FTO: variants seen among roughly 807,000 people sequenced by gnomAD.
FTO encodes the protein alpha-ketoglutarate-dependent dioxygenase FTO.
A neutral mutation model predicts 63.9 loss-of-function variants in FTO; 47 were observed. The ratio of observed to expected loss-of-function variants is 0.74; its 90% CI spans 0.58 to 0.94. The LOEUF is 0.94. FTO is among the 40% of genes least tolerant of loss of function. The pLI is 0.00. For missense variants in FTO, 562 were observed against 618.1 expected (o/e 0.91, Z 0.96); for synonymous variants, 207 against 224.4 (o/e 0.92, Z 0.69).
At chr16:53,982,278 A>G (rs1000296048) in intron 8 of FTO, among the ~76,000 whole-genome samples, 1 of 152,104 alleles carries the variant, frequency 6.6e-6, no homozygotes, top group East Asian at 1.9e-4. Flanking sequence ...TATACCTCCA[A>G]TACACCTCTT....
At chr16:54,014,204 A>G (rs1166487751) in intron 8 of FTO, among the ~76,000 whole-genome samples, 4 of 152,142 alleles carry the variant, frequency 2.6e-5, no homozygotes, top group Admixed American at 2.0e-4. Flanking sequence ...TAGTTTGGAT[A>G]TTTGTCTGCT....
intron 1 of FTO, among the ~76,000 whole-genome samples, chr16:53,755,434 CT>C (rs2076899398): frequency 6.6e-6 from 1 of 152,134 alleles, no homozygotes; most frequent in African/African-American, 2.4e-5. Context: ...TTGAGGTGTA[CT>C]TGAGGGATTA....
chr16:53,978,239 C>T (rs1324008480), intron 8 of FTO, among the ~76,000 whole-genome samples: 2 of 152,188 alleles, frequency 1.3e-5, no homozygotes, highest in East Asian at 3.8e-4. Flanking sequence ...CAAATAGTTA[C>T]TACCAATTGA....
In FTO at chr16:54,120,928, C is replaced by T. The variant is rs553329840; in HGVS notation, c.*9013C>T. On this transcript the variant is annotated 3_prime_UTR_variant, in exon 9 of 9. Transcript: ENST00000471389. ...TGAAATTTATGATGCAGGATATTAA[C>T]GTCAAAGAGGCCAAGATGCATCATT... 1.3e-5 allele frequency: 2 copies of T among 152,382 alleles called. No homozygotes were observed. The highest frequency in any genetic ancestry group is 3.9e-4 in the East Asian group (2 of 5,172). 9.4% of individuals were successfully genotyped at this position (152,382 alleles called of 1,614,324 possible).
chr16:53,901,514 C>A (rs192584491), intron 7 of FTO, among the ~76,000 whole-genome samples: 7 of 152,254 alleles, frequency 4.6e-5, no homozygotes, highest in Non-Finnish European at 8.8e-5. Context: ...TGGATGTGGT[C>A]TTCTCTCACT....
chr16:53,894,695 T>A (rs9926180), intron 7 of FTO, among the ~76,000 whole-genome samples: 102,808 of 151,902 alleles, frequency 0.68, 36,757 homozygotes, highest in East Asian at 0.84. Context: ...GCACATTAAG[T>A]TACATCAGCC....
intron 8 of FTO, among the ~76,000 whole-genome samples, chr16:53,964,092 T>A (rs1462944879): frequency 6.6e-6 from 1 of 152,218 alleles, no homozygotes; most frequent in Admixed American, 6.5e-5. Context: ...TAAAACTGTT[T>A]TCCTAAGTGT....
At chr16:53,875,273 G>A (rs10521303) in intron 5 of FTO, among the ~76,000 whole-genome samples, 4 of 151,890 alleles carry the variant, frequency 2.6e-5, no homozygotes, top group Non-Finnish European at 5.9e-5. Flanking sequence ...ACTTAAGTGC[G>A]CCCTTCTACG....
At chr16:53,867,486 G>A (rs892320681) in intron 4 of FTO, among the ~76,000 whole-genome samples, 24 of 143,216 alleles carry the variant, frequency 1.7e-4, no homozygotes, top group Non-Finnish European at 1.1e-4. Flanking sequence ...AATTATGTAC[G>A]CCACATATGT....
At chr16:53,867,490 CAT>C (rs557996463) in intron 4 of FTO, among the ~76,000 whole-genome samples, 4,568 of 136,614 alleles carry the variant, frequency 0.033, 68 homozygotes, top group African/African-American at 0.054. Context: ...ATGTACGCCA[CAT>C]ATGTGTGTGT....
At chr16:54,081,504 C>T (rs2086140662) in intron 8 of FTO, among the ~76,000 whole-genome samples, 1 of 152,162 alleles carries the variant, frequency 6.6e-6, no homozygotes, top group Non-Finnish European at 1.5e-5. Flanking sequence ...CTGTCTTCCA[C>T]TTATGCACAG....
chr16:54,060,192 T>A (rs1489870177), intron 8 of FTO, among the ~76,000 whole-genome samples: 1 of 152,220 alleles, frequency 6.6e-6, no homozygotes, highest in African/African-American at 2.4e-5. Context: ...AAAAATGTGC[T>A]GGGTAAATGT....
chr16:54,023,653 G>A (rs1361431099), intron 8 of FTO, among the ~76,000 whole-genome samples: 1 of 152,184 alleles, frequency 6.6e-6, no homozygotes, highest in African/African-American at 2.4e-5. Flanking sequence ...GGAACGATGG[G>A]CTTTCCCAAT....
chr16:53,885,021 G>A (rs1280984845), intron 6 of FTO, among the ~76,000 whole-genome samples: 1 of 152,168 alleles, frequency 6.6e-6, no homozygotes, highest in Non-Finnish European at 1.5e-5. Flanking sequence ...TACAACTCTG[G>A]AGAAGGGAGG....
chr16:53,889,087 G>C, intron 7 of FTO, 136 bp downstream of exon 7: 2 of 1,025,990 alleles, frequency 1.9e-6, no homozygotes, highest in Non-Finnish European at 3.1e-6. Flanking sequence ...TAAGGTGATG[G>C]GTATAGCCAG....
intron 8 of FTO, among the ~76,000 whole-genome samples, chr16:54,049,535 G>C (rs1405024648): frequency 6.6e-6 from 1 of 152,168 alleles, no homozygotes; most frequent in South Asian, 2.1e-4. Context: ...AAGTGGTGAG[G>C]GGGGGAAATG....
At chr16:54,005,631 C>A (rs2084183474) in intron 8 of FTO, among the ~76,000 whole-genome samples, 1 of 152,088 alleles carries the variant, frequency 6.6e-6, no homozygotes, top group South Asian at 2.1e-4. Flanking sequence ...GCCAAGCTTA[C>A]CCAACTAGCT....
intron 8 of FTO, among the ~76,000 whole-genome samples, chr16:54,085,731 A>G (rs1009639003): frequency 2.6e-5 from 4 of 152,186 alleles, no homozygotes; most frequent in African/African-American, 4.8e-5. Context: ...TTGTTTGCAG[A>G]TTGTTTGTTT....
At chr16:53,761,089 CCTTTTCTTT>C (rs1274676183) in intron 1 of FTO, among the ~76,000 whole-genome samples, 3 of 150,378 alleles carry the variant, frequency 2.0e-5, no homozygotes, top group African/African-American at 4.9e-5. Context: ...TCCTTTTCTT[CCTTTTCTTT>C]CTTTTCTTTT....
Sources: allele counts gnomAD v4.1 joint callset (sites outside exome capture counted in the v4.1 genomes callset), GRCh38; gene constraint gnomAD v4.1.1; transcripts MANE v1.5; gene names NCBI Gene and HGNC (gene_info 2026-07-23, HGNC 2026-07-21).